Variants in STAU2 observed in about 807,000 individuals in gnomAD.
The protein encoded by STAU2 is staufen double-stranded RNA binding protein 2, also known as double-stranded RNA-binding protein Staufen homolog 2.
In STAU2, 20 loss-of-function variants were observed where a neutral mutation model predicts 65.9. That is an observed-to-expected ratio of 0.30 (90% CI 0.21 to 0.44). The LOEUF (loss-of-function observed/expected upper bound fraction) is 0.44, where lower values mean the gene tolerates loss of function less well. Among genes scored for constraint, STAU2 ranks in the 20% least tolerant of loss-of-function variants. STAU2 has a pLI of 1.00. For synonymous variants in STAU2, 232 were observed against 233.9 expected, an observed-to-expected ratio of 0.99 and a Z score of 0.07; for missense variants, 558 against 683.9, an observed-to-expected ratio of 0.82 and a Z score of 2.05.
At chr8:73,570,322 A>T (rs1808955744) in intron 12 of STAU2, among the ~76,000 whole-genome samples, 1 of 152,236 alleles carries the variant, frequency 6.6e-6, no homozygotes, top group African/African-American at 2.4e-5. Flanking sequence ...TGAAAAGACC[A>T]AATCTACGTC....
intron 6 of STAU2, among the ~76,000 whole-genome samples, chr8:73,627,807 T>A (rs1422506015): frequency 9.3e-5 from 14 of 150,838 alleles, no homozygotes; most frequent in Non-Finnish European, 1.9e-4. Flanking sequence ...TATTTTTAGG[T>A]TTAGAATAAG....
chr8:73,519,072 T>C (rs181290636), intron 13 of STAU2, among the ~76,000 whole-genome samples: 69 of 152,286 alleles, frequency 4.5e-4, no homozygotes, highest in African/African-American at 1.6e-3. Flanking sequence ...TTTTGGCAGC[T>C]CCAGGACCTC....
At chr8:73,595,410 G>A in intron 10 of STAU2, 113 bp from the exon 11 acceptor site, 6 of 1,011,008 alleles carry the variant, frequency 5.9e-6, no homozygotes, top group Non-Finnish European at 8.2e-6. Flanking sequence ...ATAAAGTTCA[G>A]TCCAAAGTAA....
intron 6 of STAU2, among the ~76,000 whole-genome samples, chr8:73,641,596 T>C (rs1009131598): frequency 2.6e-5 from 4 of 152,184 alleles, no homozygotes; most frequent in Non-Finnish European, 2.9e-5. Context: ...CTATGGCCAA[T>C]TGAGTCTGAG....
chr8:73,561,554 C>G, intron 12 of STAU2: 1 of 454,628 alleles, frequency 2.2e-6, no homozygotes, highest in South Asian at 1.6e-5. Context: ...GACAGAAAAA[C>G]ACCAAAAAAT....
intron 11 of STAU2, among the ~76,000 whole-genome samples, chr8:73,585,411 C>G (rs535410950): frequency 1.6e-4 from 24 of 152,304 alleles, no homozygotes; most frequent in African/African-American, 4.3e-4. Context: ...ACCCGGGAGG[C>G]GGAGGTTGCA....
intron 3 of STAU2, among the ~76,000 whole-genome samples, chr8:73,732,267 G>A (rs1186726760): frequency 6.6e-6 from 1 of 152,228 alleles, no homozygotes; most frequent in Non-Finnish European, 1.5e-5. Flanking sequence ...ACTATTCTCA[G>A]AGTGAGTAAT....
chr8:73,465,227 T>C (rs1231755885), intron 13 of STAU2, among the ~76,000 whole-genome samples: 1 of 152,130 alleles, frequency 6.6e-6, no homozygotes, highest in East Asian at 1.9e-4. Context: ...AGCACTGGGG[T>C]GTCCTCTTCA....
chr8:73,456,400 GC>G (rs1376311076), intron 13 of STAU2, among the ~76,000 whole-genome samples: 5 of 152,158 alleles, frequency 3.3e-5, no homozygotes, highest in Admixed American at 3.3e-4. Context: ...ACTGAAATCT[GC>G]CCAGAGTTAT....
chr8:73,575,383 A>G (rs1375671466), intron 12 of STAU2, among the ~76,000 whole-genome samples: 5 of 152,160 alleles, frequency 3.3e-5, no homozygotes, highest in African/African-American at 4.8e-5. Context: ...AATCTCCTAC[A>G]CTGATGGTAG....
At chr8:73,630,353 C>T (rs1365416565) in intron 6 of STAU2, among the ~76,000 whole-genome samples, 4 of 152,184 alleles carry the variant, frequency 2.6e-5, no homozygotes, top group South Asian at 2.1e-4. Context: ...TGAGGTAAAA[C>T]ACAGCAACAA....
At chr8:73,437,089 A>C (rs1031682092) in intron 13 of STAU2, among the ~76,000 whole-genome samples, 5 of 152,118 alleles carry the variant, frequency 3.3e-5, no homozygotes, top group Admixed American at 3.3e-4. Flanking sequence ...CTACATCCTG[A>C]CAGTTCACAC....
chr8:73,725,679 C>T (rs1805569265), intron 3 of STAU2, among the ~76,000 whole-genome samples: 2 of 152,176 alleles, frequency 1.3e-5, no homozygotes, highest in African/African-American at 4.8e-5. Context: ...TGCCTGTAAT[C>T]CCAGCCCTTT....
intron 12 of STAU2, among the ~76,000 whole-genome samples, chr8:73,565,306 T>TCC (rs1808520565): frequency 6.6e-6 from 1 of 151,988 alleles, no homozygotes; most frequent in African/African-American, 2.4e-5. Context: ...CTGCTTGCTC[T>TCC]CTCTCTCCTG....
chr8:73,701,430 GA>G (rs1186122036), intron 4 of STAU2, among the ~76,000 whole-genome samples: 5 of 151,834 alleles, frequency 3.3e-5, no homozygotes, highest in Admixed American at 6.6e-5. Context: ...AACTCTATAG[GA>G]AAAAAATCTA....
chr8:73,437,091 A>T (rs575591972), intron 13 of STAU2, among the ~76,000 whole-genome samples: 1 of 152,306 alleles, frequency 6.6e-6, no homozygotes, highest in East Asian at 1.9e-4. Flanking sequence ...ACATCCTGAC[A>T]GTTCACACAC....
At chr8:73,586,646 C>CAAAA (rs56687221) in intron 11 of STAU2, among the ~76,000 whole-genome samples, 6 of 62,726 alleles carry the variant, frequency 9.6e-5, no homozygotes, top group Non-Finnish European at 1.4e-4. Context: ...AAAAAAAATG[C>CAAAA]AAAAAAAAAA....
intron 4 of STAU2, among the ~76,000 whole-genome samples, chr8:73,706,397 A>G (rs1428317784): frequency 6.6e-6 from 1 of 152,122 alleles, no homozygotes; most frequent in African/African-American, 2.4e-5. Flanking sequence ...GATTACAGGC[A>G]TGAGTCACCA....
At chr8:73,562,177 C>G (rs952049661) in intron 12 of STAU2, among the ~76,000 whole-genome samples, 1 of 152,200 alleles carries the variant, frequency 6.6e-6, no homozygotes. Flanking sequence ...ACCTCAGTCT[C>G]CCCTCTCATA....
Sources: gnomAD v4.1 joint callset for allele counts (sites outside exome capture counted in the v4.1 genomes callset) on GRCh38, gnomAD v4.1.1 for gene constraint, MANE v1.5 for transcripts, NCBI Gene and HGNC (gene_info 2026-07-23, HGNC 2026-07-21) for gene names.